The following BMPR2 variants were observed in gnomAD, a reference collection of about 807,000 sequenced individuals.
BMPR2 encodes bone morphogenetic protein receptor type 2.
Under a neutral mutation model 100.8 loss-of-function variants are expected in BMPR2, and 29 were observed. The ratio of observed to expected loss-of-function variants is 0.29; its 90% CI spans 0.21 to 0.39. BMPR2 has a LOEUF of 0.39. Among genes scored for constraint, BMPR2 ranks in the 10% least tolerant of loss-of-function variants. The pLI is 1.00. For synonymous variants in BMPR2, 382 were observed against 442.3 expected (o/e 0.86, Z 1.71); for missense variants, 1,011 against 1,274.5 (o/e 0.79, Z 3.15).
intron 1 of BMPR2, among the ~76,000 whole-genome samples, chr2:202,448,404 G>A (rs1374354129): frequency 6.7e-6 from 1 of 148,608 alleles, no homozygotes; most frequent in Non-Finnish European, 1.5e-5. Context: ...CCGAGATTGT[G>A]CCACTGCACT....
At chr2:202,528,663 A>T (rs1270510008) in intron 7 of BMPR2, among the ~76,000 whole-genome samples, 4 of 152,228 alleles carry the variant, frequency 2.6e-5, no homozygotes, top group Non-Finnish European at 5.9e-5. Flanking sequence ...AAATCATCCA[A>T]TACAAAGTCT....
At chr2:202,470,488 G>A (rs771049839) in intron 3 of BMPR2, among the ~76,000 whole-genome samples, 1 of 152,108 alleles carries the variant, frequency 6.6e-6, no homozygotes, top group Non-Finnish European at 1.5e-5. Flanking sequence ...GAGGCCGGGC[G>A]CGGTGGCTCA....
At chr2:202,493,969 G>A (rs573282090) in intron 3 of BMPR2, among the ~76,000 whole-genome samples, 2 of 152,140 alleles carry the variant, frequency 1.3e-5, no homozygotes, top group Non-Finnish European at 2.9e-5. Context: ...TTCATATTCA[G>A]TATTAACTAC....
At chr2:202,542,105 C>T (rs1427659137) in intron 9 of BMPR2, among the ~76,000 whole-genome samples, 1 of 148,952 alleles carries the variant, frequency 6.7e-6, no homozygotes, top group Non-Finnish European at 1.5e-5. Context: ...AGTAAGACTC[C>T]GTCTAAAAAA....
At chr2:202,458,174 CTG>C (rs1454284731) in intron 1 of BMPR2, among the ~76,000 whole-genome samples, 1 of 149,522 alleles carries the variant, frequency 6.7e-6, no homozygotes, top group Non-Finnish European at 1.5e-5. Flanking sequence ...GAGCCAGGTA[CTG>C]TGGCTCACTC....
chr2:202,424,480 G>A (rs1393780682), intron 1 of BMPR2, among the ~76,000 whole-genome samples: 1 of 151,678 alleles, frequency 6.6e-6, no homozygotes, highest in Non-Finnish European at 1.5e-5. Context: ...GGTGGATCAC[G>A]AGGCCAGGAG....
chr2:202,557,974 C>G lies in BMPR2; in HGVS notation c.2866+1443C>G, dbSNP rs188115180. On this transcript the variant is annotated intron_variant, in intron 12 of 12. Transcript: ENST00000374580. ...ATGTCTGCATTTAGGTTTTATCAAACTAACCTTAATAAATCTTAAAGATCC... is the reference window on the plus strand; with the variant it reads ...ATGTCTGCATTTAGGTTTTATCAAAGTAACCTTAATAAATCTTAAAGATCC... Among the ~76,000 whole-genome samples the G allele has an allele frequency of 3.6e-3, 548 of 152,176 alleles. 1 individual carries two copies. The highest frequency in any genetic ancestry group is 5.7e-3 in the Non-Finnish European group (390 of 68,006).
intron 3 of BMPR2, among the ~76,000 whole-genome samples, chr2:202,502,952 G>A (rs577417888): frequency 2.0e-5 from 3 of 152,166 alleles, no homozygotes; most frequent in Middle Eastern, 3.4e-3. Flanking sequence ...TGTCAAATTC[G>A]TTTCCTCTAG....
intron 1 of BMPR2, among the ~76,000 whole-genome samples, chr2:202,406,222 G>A (rs1690887806): frequency 6.6e-6 from 1 of 152,178 alleles, no homozygotes; most frequent in Non-Finnish European, 1.5e-5. Flanking sequence ...GGATATAATA[G>A]GGTTCCTTCA....
chr2:202,429,677 G>T (rs1419947635), intron 1 of BMPR2, among the ~76,000 whole-genome samples: 1 of 152,116 alleles, frequency 6.6e-6, no homozygotes, highest in African/African-American at 2.4e-5. Flanking sequence ...AAGGAAAGAG[G>T]TTTAATTGAC....
chr2:202,559,869 A>G lies in BMPR2; in HGVS notation c.3040A>G (p.Ser1014Gly), dbSNP rs201684972. The G allele has an allele frequency of 2.5e-6, 4 of 1,614,178 alleles. No individual in the cohort carries two copies. The highest frequency in any genetic ancestry group is 2.5e-6 in the Non-Finnish European group (3 of 1,180,014). Residue 1014 changes from serine (S) to glycine (G), a missense_variant, in exon 13 of 13, where the codon AGC becomes GGC. Ser to Gly is a moderately conservative substitution (Grantham distance 56). Coordinates refer to ENST00000374580, the MANE Select transcript of BMPR2 (RefSeq NM_001204.7). ...TAACAGGGCAGTTCATTCCAAATCCAGCACTGCTGTTTACCTTGCAGAAGG... is the reference window on the plus strand; with the variant it reads ...TAACAGGGCAGTTCATTCCAAATCCGGCACTGCTGTTTACCTTGCAGAAGG... ...GSNRAVHSKS[S>G]TAVYLAEGGT...
intron 1 of BMPR2, among the ~76,000 whole-genome samples, chr2:202,405,687 C>CAAAAAAAAAAAAAAAAAAAAAAAAAAA (rs397987374): frequency 1.6e-5 from 1 of 62,328 alleles, no homozygotes; most frequent in Non-Finnish European, 3.1e-5. Context: ...GACTCCGCCT[C>CAAAAAAAAAAAAAAAAAAAAAAAAAAA]AAAAAAAAAA....
chr2:202,544,761 C>CTTTTTT (rs56654364), intron 10 of BMPR2, among the ~76,000 whole-genome samples: 8 of 82,716 alleles, frequency 9.7e-5, no homozygotes, highest in South Asian at 8.5e-4. Flanking sequence ...CTTTTTCTTT[C>CTTTTTT]TTTTTTTTTT....
At position 202,559,843 on chromosome 2, in the gene BMPR2, G is replaced by GT. The variant is rs1688650148; in HGVS notation, c.3015dup (p.Asn1006Ter). 6.2e-7 allele frequency: 1 copy of GT among 1,614,190 alleles called. No individual in the cohort carries two copies. Among genetic ancestry groups the GT allele is most frequent in the Non-Finnish European group, 8.5e-7 (1 of 1,180,032 alleles). ...GACTGTGAAGTCAACAATAATGGCA[G>GT]TAACAGGGCAGTTCATTCCAAATCC... On this transcript the variant is annotated frameshift_variant, in exon 13 of 13. Coordinates refer to ENST00000374580, the MANE Select transcript of BMPR2 (RefSeq NM_001204.7). LOFTEE classifies it high-confidence loss of function.
intron 3 of BMPR2, among the ~76,000 whole-genome samples, chr2:202,485,902 G>C (rs975889801): frequency 1.3e-5 from 2 of 152,014 alleles, no homozygotes; most frequent in Non-Finnish European, 2.9e-5. Context: ...ACCATATGCA[G>C]GATGATCTCA....
chr2:202,389,401 CT>C (rs1482532511), intron 1 of BMPR2, among the ~76,000 whole-genome samples: 1 of 147,116 alleles, frequency 6.8e-6, no homozygotes, highest in Non-Finnish European at 1.5e-5. Flanking sequence ...GTGGCATGCG[CT>C]TGTAGTCCCA....
At chr2:202,412,068 G>A (rs1238039970) in intron 1 of BMPR2, among the ~76,000 whole-genome samples, 1 of 151,948 alleles carries the variant, frequency 6.6e-6, no homozygotes, top group Non-Finnish European at 1.5e-5. Context: ...TTAATATTAG[G>A]AGCAGCTGGG....
chr2:202,501,940 A>G (rs1404853030), intron 3 of BMPR2, among the ~76,000 whole-genome samples: 1 of 152,182 alleles, frequency 6.6e-6, no homozygotes, highest in Non-Finnish European at 1.5e-5. Flanking sequence ...ACCTTAACCT[A>G]TATAACGATG....
intron 1 of BMPR2, among the ~76,000 whole-genome samples, chr2:202,402,853 A>ACAGG (rs1690794420): frequency 8.5e-5 from 12 of 141,136 alleles, no homozygotes; most frequent in Non-Finnish European, 1.5e-5. Context: ...TTTGAGATGG[A>ACAGG]GTTTCGCTTT....
Sources: gnomAD v4.1 joint callset for allele counts (sites outside exome capture counted in the v4.1 genomes callset) on GRCh38, gnomAD v4.1.1 for gene constraint, MANE v1.5 for transcripts, NCBI Gene and HGNC (gene_info 2026-07-23, HGNC 2026-07-21) for gene names.